The following ARHGAP6 variants were observed in gnomAD, a reference collection of about 807,000 sequenced individuals.
ARHGAP6 encodes the protein rho GTPase-activating protein 6.
ARHGAP6 carries 16 observed loss-of-function variants against 55.7 expected under a neutral mutation model. That is an observed-to-expected ratio of 0.29 (90% CI 0.19 to 0.44). The LOEUF (loss-of-function observed/expected upper bound fraction) is 0.44, where lower values mean the gene tolerates loss of function less well. Ranked by LOEUF, ARHGAP6 falls within the 20% of genes least tolerant of loss-of-function variation. The pLI, the probability that ARHGAP6 is intolerant of heterozygous loss-of-function variation, is 1.00. For synonymous variants in ARHGAP6, 382 were observed against 360.9 expected (o/e 1.06, Z -0.66); for missense variants, 698 against 808.9 (o/e 0.86, Z 1.66).
chrX:11,164,628 C>T (rs750815966), intron 9 of ARHGAP6, among the ~76,000 whole-genome samples: 5 of 112,009 alleles, frequency 4.5e-5, no homozygotes, highest in Non-Finnish European at 7.5e-5. Flanking sequence ...AAATTTCCCA[C>T]GTGCACTAAG....
chrX:11,332,955 T>G (rs1403904364), intron 1 of ARHGAP6, among the ~76,000 whole-genome samples: 1 of 111,655 alleles, frequency 9.0e-6, no homozygotes, highest in Admixed American at 9.5e-5. Context: ...CAACTCATCA[T>G]CTTCTTAAAT....
chrX:11,514,343 T>A (rs931834641), intron 1 of ARHGAP6, among the ~76,000 whole-genome samples: 1 of 110,238 alleles, frequency 9.1e-6, no homozygotes, highest in Non-Finnish European at 1.9e-5. Context: ...GGTTACAGAT[T>A]ACAGCAATTA....
intron 1 of ARHGAP6, among the ~76,000 whole-genome samples, chrX:11,343,332 T>C (rs1017428669): frequency 8.9e-6 from 1 of 112,499 alleles, no homozygotes; most frequent in Non-Finnish European, 1.9e-5. Flanking sequence ...AAGCTTGCTG[T>C]TGCTAGCTCT....
intron 1 of ARHGAP6, among the ~76,000 whole-genome samples, chrX:11,600,086 T>C (rs1366931140): frequency 9.0e-6 from 1 of 111,664 alleles, no homozygotes. Context: ...CATAGGTGGG[T>C]GGCTCTGCAG....
At chrX:11,142,425 A>G in intron 11 of ARHGAP6, 112 bp from the exon 12 acceptor site, 1 of 439,097 alleles carries the variant, frequency 2.3e-6, no homozygotes, top group East Asian at 4.6e-5. Context: ...ATCCTGTTGT[A>G]TACAAAACAG....
intron 1 of ARHGAP6, among the ~76,000 whole-genome samples, chrX:11,363,329 C>T (rs999117272): frequency 8.9e-6 from 1 of 112,154 alleles, no homozygotes; most frequent in African/African-American, 3.2e-5. Context: ...CACCTCTGTT[C>T]CACCACACAA....
chrX:11,426,054 A>G (rs2049875480), intron 1 of ARHGAP6, among the ~76,000 whole-genome samples: 1 of 112,531 alleles, frequency 8.9e-6, no homozygotes, highest in Admixed American at 9.4e-5. Flanking sequence ...AAGACAGATG[A>G]ACGAGCATTA....
At chrX:11,515,195 T>G (rs781765979) in intron 1 of ARHGAP6, among the ~76,000 whole-genome samples, 1 of 112,177 alleles carries the variant, frequency 8.9e-6, no homozygotes, top group Non-Finnish European at 1.9e-5. Context: ...CTGTTGACTT[T>G]TCCCAGTTCT....
intron 1 of ARHGAP6, among the ~76,000 whole-genome samples, chrX:11,651,577 T>C (rs1273971244): frequency 8.9e-6 from 1 of 112,111 alleles, no homozygotes; most frequent in East Asian, 2.8e-4. Context: ...TCTTTGCTAT[T>C]GTGAATGGTG....
At chrX:11,256,380 ACT>A (rs1322172080) in intron 1 of ARHGAP6, among the ~76,000 whole-genome samples, 1 of 111,168 alleles carries the variant, frequency 9.0e-6, no homozygotes, top group East Asian at 2.8e-4. Flanking sequence ...CAAGAGCAAA[ACT>A]CTGTCTTAAA....
intron 1 of ARHGAP6, among the ~76,000 whole-genome samples, chrX:11,643,634 T>C (rs1177536257): frequency 9.0e-6 from 1 of 111,666 alleles, no homozygotes; most frequent in Non-Finnish European, 1.9e-5. Flanking sequence ...ATAAAGGAGA[T>C]TGATTACAGA....
At chrX:11,591,052 C>G (rs895924088) in intron 1 of ARHGAP6, among the ~76,000 whole-genome samples, 2 of 107,994 alleles carry the variant, frequency 1.9e-5, no homozygotes, top group Non-Finnish European at 3.8e-5. Context: ...ATTAGCCGGG[C>G]GTGGTGGCGG....
chrX:11,479,720 C>T (rs1249021657), intron 1 of ARHGAP6, among the ~76,000 whole-genome samples: 3 of 111,989 alleles, frequency 2.7e-5, no homozygotes, highest in Non-Finnish European at 5.6e-5. Flanking sequence ...GCTGATGCTA[C>T]AGAAGCTCAT....
chrX:11,356,226 A>C (rs2048929135), intron 1 of ARHGAP6, among the ~76,000 whole-genome samples: 1 of 109,379 alleles, frequency 9.1e-6, no homozygotes. Flanking sequence ...GAACACATGG[A>C]CACAGGGAGG....
At chrX:11,216,770 GGTTT>G (rs1179663018) in intron 2 of ARHGAP6, among the ~76,000 whole-genome samples, 1 of 110,957 alleles carries the variant, frequency 9.0e-6, no homozygotes, top group Admixed American at 9.6e-5. Context: ...AGAACGTGCA[GGTTT>G]GTTACATAGG....
intron 1 of ARHGAP6, chrX:11,427,917 C>T (rs1369877205): frequency 4.3e-6 from 2 of 470,538 alleles, no homozygotes; most frequent in African/African-American, 2.6e-5. Flanking sequence ...CCGCTCCTGG[C>T]GGGTCCCTCC....
chrX:11,299,878 G>A (rs947799273), intron 1 of ARHGAP6, among the ~76,000 whole-genome samples: 11 of 111,698 alleles, frequency 9.8e-5, no homozygotes, highest in Non-Finnish European at 1.7e-4. Flanking sequence ...CAAATGTATC[G>A]GTGTTTTATT....
At chrX:11,581,586 G>T (rs1205207980) in intron 1 of ARHGAP6, among the ~76,000 whole-genome samples, 1 of 111,721 alleles carries the variant, frequency 9.0e-6, no homozygotes, top group Non-Finnish European at 1.9e-5. Context: ...ATTCTGCCAT[G>T]CAAAGAAATG....
chrX:11,515,729 AC>A (rs754809945), intron 1 of ARHGAP6, among the ~76,000 whole-genome samples: 1 of 112,810 alleles, frequency 8.9e-6, no homozygotes, highest in East Asian at 2.8e-4. Flanking sequence ...AATGATTCAT[AC>A]AAATTAGTAA....
Sources: gnomAD v4.1 joint callset for allele counts (sites outside exome capture counted in the v4.1 genomes callset) on GRCh38, gnomAD v4.1.1 for gene constraint, MANE v1.5 for transcripts, NCBI Gene and HGNC (gene_info 2026-07-23, HGNC 2026-07-21) for gene names.